Variants in SLC60A1 observed in about 807,000 individuals in gnomAD.
SLC60A1 encodes solute carrier family 60 member 1, also known as major facilitator superfamily domain containing 4.
chr1:205,582,773 T>C, the SLC60A1 span, among the ~76,000 whole-genome samples: 1 of 152,198 alleles, frequency 6.6e-6, no homozygotes, highest in Non-Finnish European at 1.5e-5. Flanking sequence ...TGACTTCTTT[T>C]TGAGTGTGCA....
the SLC60A1 span, chr1:205,580,871 G>T: frequency 1.6e-5 from 26 of 1,613,968 alleles, no homozygotes; most frequent in East Asian, 5.1e-4. This position sits in a 1 kb window ranked among gnomAD's most constrained non-coding sequence, Gnocchi z 5.0. Context: ...TCCAAAGGAC[G>T]GGGCAGGGAC....
At chr1:205,569,225 G>A in the SLC60A1 span, 1 of 1,564,564 alleles carries the variant, frequency 6.4e-7, no homozygotes, top group Non-Finnish European at 8.7e-7. Context: ...CGCTGCCCCA[G>A]ATCTCCTGGG....
chr1:205,575,727 C>T, the SLC60A1 span, among the ~76,000 whole-genome samples: 1 of 152,174 alleles, frequency 6.6e-6, no homozygotes, highest in Admixed American at 6.5e-5. Context: ...CCTCTTCCCT[C>T]TCCCACTTAG....
the SLC60A1 span, chr1:205,601,793 CA>C: frequency 1.3e-5 from 2 of 152,270 alleles, no homozygotes; most frequent in Non-Finnish European, 2.9e-5. Context: ...CCGTGTTAGC[CA>C]GGATGGTCTT....
chr1:205,579,455 C>A, the SLC60A1 span: 1 of 561,074 alleles, frequency 1.8e-6, no homozygotes, highest in South Asian at 2.6e-5. Flanking sequence ...CATTTAATTG[C>A]TTTTAAGTAA....
chr1:205,580,791 T>A, the SLC60A1 span: 1 of 1,614,110 alleles, frequency 6.2e-7, no homozygotes, highest in East Asian at 2.2e-5. The surrounding 1 kb of genome is among the most constrained non-coding windows in gnomAD (Gnocchi z 5.0). Flanking sequence ...CTGTTCCATG[T>A]CTCCAGGGTG....
At chr1:205,575,696 G>C in the SLC60A1 span, among the ~76,000 whole-genome samples, 1 of 152,284 alleles carries the variant, frequency 6.6e-6, no homozygotes, top group South Asian at 2.1e-4. Flanking sequence ...CAGCTCACCT[G>C]GGGGAGAACT....
At chr1:205,588,469 C>CA in the SLC60A1 span, among the ~76,000 whole-genome samples, 21,068 of 84,686 alleles carry the variant, frequency 0.25, 3,157 homozygotes, top group African/African-American at 0.35. Flanking sequence ...GACTTCAAAT[C>CA]AAAAAAAAAA....
the SLC60A1 span, chr1:205,584,217 GA>G: frequency 5.1e-5 from 35 of 689,134 alleles, no homozygotes; most frequent in Middle Eastern, 3.3e-4. Context: ...GATCACAGGT[GA>G]TTTTTTTTTT....
At chr1:205,569,360 G>C in the SLC60A1 span, 3 of 1,227,134 alleles carry the variant, frequency 2.4e-6, no homozygotes, top group Non-Finnish European at 3.1e-6. Flanking sequence ...TCGCCGGGCC[G>C]ACCCTTCCCT....
chr1:205,580,529 CCT>C, the SLC60A1 span: 8 of 1,208,946 alleles, frequency 6.6e-6, no homozygotes, highest in African/African-American at 7.5e-5. The surrounding 1 kb of genome is among the most constrained non-coding windows in gnomAD (Gnocchi z 5.0). Context: ...GGCAACAGCC[CCT>C]ACATGGGGCA....
chr1:205,600,386 G>T, the SLC60A1 span: 31 of 1,613,222 alleles, frequency 1.9e-5, no homozygotes, highest in East Asian at 6.9e-4. Flanking sequence ...CATGCTACCT[G>T]TTTTGTTTTT....
At chr1:205,595,214 T>A in the SLC60A1 span, 1 of 152,370 alleles carries the variant, frequency 6.6e-6, no homozygotes, top group Non-Finnish European at 1.5e-5. Context: ...TCCAGACTTC[T>A]CTCTCCCTGC....
the SLC60A1 span, chr1:205,597,810 C>T: frequency 3.1e-6 from 5 of 1,613,872 alleles, no homozygotes; most frequent in African/African-American, 2.7e-5. Context: ...GTGACAGGGG[C>T]AGGAGTTGGC....
chr1:205,578,206 C>T, the SLC60A1 span, among the ~76,000 whole-genome samples: 18 of 152,312 alleles, frequency 1.2e-4, no homozygotes, highest in Middle Eastern at 6.8e-3. Context: ...TCCTGGTACC[C>T]GTGTCAGTAG....
chr1:205,592,367 TC>T, the SLC60A1 span: 366,975 of 963,836 alleles, frequency 0.38, 29,372 homozygotes, highest in East Asian at 0.44. Context: ...CTCTCTGTGC[TC>T]TTTTTTTTTT....
the SLC60A1 span, chr1:205,584,148 C>T: frequency 2.5e-6 from 4 of 1,606,526 alleles, no homozygotes; most frequent in Non-Finnish European, 3.4e-6. Flanking sequence ...GAATCTGCAT[C>T]CTCACAGCCT....
At chr1:205,584,797 G>T in the SLC60A1 span, 1 of 1,338,606 alleles carries the variant, frequency 7.5e-7, no homozygotes, top group South Asian at 1.2e-5. Flanking sequence ...TCTTCTGACT[G>T]CCAGCCACGG....
At chr1:205,602,663 A>G in the SLC60A1 span, 1 of 152,392 alleles carries the variant, frequency 6.6e-6, no homozygotes, top group Non-Finnish European at 1.5e-5. Flanking sequence ...AGTTTTAATT[A>G]TATTTGTAAA....
Sources: allele counts gnomAD v4.1 joint callset (sites outside exome capture counted in the v4.1 genomes callset), GRCh38; gene constraint gnomAD v4.1.1; non-coding constraint Gnocchi (gnomAD v3.1); transcripts MANE v1.5; gene names NCBI Gene and HGNC (gene_info 2026-07-23, HGNC 2026-07-21).